Variants in SMIM35 observed in about 807,000 individuals in gnomAD.
SMIM35 encodes TMPRSS4 antisense RNA 1 (non-protein coding).
At chr11:118,070,737 AGACTGCCGGCAAATTACACG>A (rs1944558224) in intron 1 of SMIM35, among the ~76,000 whole-genome samples, 2 of 102,260 alleles carry the variant, frequency 2.0e-5, no homozygotes, top group South Asian at 2.7e-4. Context: ...ATGTTCACTG[AGACTGCCGGCAAATTACACG>A]GACAATATGG....
intron 1 of SMIM35, among the ~76,000 whole-genome samples, chr11:118,050,648 C>G (rs768947076): frequency 6.6e-6 from 1 of 152,220 alleles, no homozygotes; most frequent in African/African-American, 2.4e-5. Context: ...CTCTTCTAGC[C>G]CCCACCCTTG....
At chr11:118,081,943 A>G (rs1164077390) in intron 1 of SMIM35, among the ~76,000 whole-genome samples, 1 of 152,068 alleles carries the variant, frequency 6.6e-6, no homozygotes, top group African/African-American at 2.4e-5. Flanking sequence ...TCACTCACTC[A>G]CTGATGTCCA....
intron 1 of SMIM35, among the ~76,000 whole-genome samples, chr11:118,036,842 C>G (rs1180693592): frequency 8.5e-5 from 13 of 152,156 alleles, no homozygotes; most frequent in Admixed American, 8.5e-4. Context: ...GGGAGGGGAC[C>G]CAAAGAAGGT....
chr11:118,086,235 G>A (rs542622240), intron 1 of SMIM35, among the ~76,000 whole-genome samples: 1 of 152,344 alleles, frequency 6.6e-6, no homozygotes, highest in South Asian at 2.1e-4. Context: ...CACAAAAGCT[G>A]ATTCTTAAAT....
At chr11:118,016,133 G>A (rs1284389126) in intron 1 of SMIM35, among the ~76,000 whole-genome samples, 1 of 152,090 alleles carries the variant, frequency 6.6e-6, no homozygotes, top group Admixed American at 6.5e-5. Flanking sequence ...AGCCTGGGAG[G>A]TCCAGCCTCA....
chr11:118,070,045 A>C (rs1236005014), intron 1 of SMIM35, among the ~76,000 whole-genome samples: 1 of 152,198 alleles, frequency 6.6e-6, no homozygotes, highest in Non-Finnish European at 1.5e-5. Context: ...TACAGCTGGG[A>C]GGCAACAGAG....
At chr11:118,035,309 C>T (rs778264384) in intron 1 of SMIM35, among the ~76,000 whole-genome samples, 1 of 152,082 alleles carries the variant, frequency 6.6e-6, no homozygotes. Context: ...CTCATGCCAG[C>T]CCTTGAATTC....
chr11:118,051,076 C>G (rs1203626246), intron 1 of SMIM35, among the ~76,000 whole-genome samples: 27 of 152,212 alleles, frequency 1.8e-4, no homozygotes, highest in Admixed American at 1.8e-3. Context: ...TAGAGGCAGG[C>G]TCATGTTTGC....
Position 118,004,598 on chromosome 11 carries a change from G to C in SMIM35, c.*1812C>G, listed in dbSNP as rs4936415. On this transcript the variant is annotated 3_prime_UTR_variant, in exon 5 of 5. Transcript: ENST00000689828. ...CTGGATCTGTGAGGCTCAGGGTTAG[G>C]GATTCCCATGTGAGAGTGAATGAGC... The C allele has an allele frequency of 0.51, 77,159 of 152,090 alleles. 19,701 individuals carry two copies. Among genetic ancestry groups the C allele is most frequent in the East Asian group, 0.59 (3,053 of 5,154 alleles). 9.4% of individuals were successfully genotyped at this position (152,090 alleles called of 1,614,324 possible).
intron 1 of SMIM35, among the ~76,000 whole-genome samples, chr11:118,047,780 T>C (rs1178599545): frequency 6.6e-6 from 1 of 152,238 alleles, no homozygotes; most frequent in African/African-American, 2.4e-5. Flanking sequence ...CAAAGCTTCC[T>C]TTACAGCAGC....
intron 1 of SMIM35, among the ~76,000 whole-genome samples, chr11:118,084,066 A>G (rs1945357501): frequency 6.6e-6 from 1 of 151,906 alleles, no homozygotes; most frequent in Non-Finnish European, 1.5e-5. Flanking sequence ...CAATTATCGT[A>G]CTCTTACCGT....
chr11:118,048,375 T>C (rs936748249), intron 1 of SMIM35, among the ~76,000 whole-genome samples: 4 of 152,106 alleles, frequency 2.6e-5, no homozygotes, highest in African/African-American at 9.7e-5. Flanking sequence ...TAGCTGGACC[T>C]GCTGGCGTGC....
intron 1 of SMIM35, among the ~76,000 whole-genome samples, chr11:118,045,576 T>G (rs1472754100): frequency 6.6e-6 from 1 of 152,234 alleles, no homozygotes; most frequent in Non-Finnish European, 1.5e-5. Context: ...ATCATCAATT[T>G]CACATGATTT....
chr11:118,053,357 G>C (rs1208066044), intron 1 of SMIM35, among the ~76,000 whole-genome samples: 1 of 140,680 alleles, frequency 7.1e-6, no homozygotes, highest in Non-Finnish European at 1.5e-5. Context: ...CACACACAAA[G>C]CTTACTAGCT....
At chr11:118,056,850 A>G (rs886418464) in intron 1 of SMIM35, among the ~76,000 whole-genome samples, 1 of 152,232 alleles carries the variant, frequency 6.6e-6, no homozygotes, top group African/African-American at 2.4e-5. Flanking sequence ...GGAGGTCATC[A>G]GTGGCCTCTG....
chr11:118,054,273 A>G (rs1223710952), intron 1 of SMIM35, among the ~76,000 whole-genome samples: 1 of 151,740 alleles, frequency 6.6e-6, no homozygotes, highest in Non-Finnish European at 1.5e-5. Flanking sequence ...GTGTGGACGC[A>G]TTGTGCATGT....
intron 1 of SMIM35, among the ~76,000 whole-genome samples, chr11:118,075,466 C>T (rs890595687): frequency 6.6e-6 from 1 of 152,238 alleles, no homozygotes; most frequent in African/African-American, 2.4e-5. Flanking sequence ...TTATCCCAAA[C>T]CATGAACCTG....
intron 1 of SMIM35, among the ~76,000 whole-genome samples, chr11:118,042,055 GA>G (rs796630511): frequency 1.5e-4 from 5 of 33,554 alleles, no homozygotes; most frequent in African/African-American, 4.1e-4. Context: ...TGTCACAAAT[GA>G]AAAAAAAAAA....
chr11:118,063,440 A>T (rs762140773), intron 1 of SMIM35, among the ~76,000 whole-genome samples: 1 of 151,806 alleles, frequency 6.6e-6, no homozygotes. Flanking sequence ...TACCCTCTTC[A>T]TGTTGAATCT....
Sources: allele counts gnomAD v4.1 joint callset (sites outside exome capture counted in the v4.1 genomes callset), GRCh38; gene constraint gnomAD v4.1.1; transcripts MANE v1.5; gene names NCBI Gene and HGNC (gene_info 2026-07-23, HGNC 2026-07-21).